Variants in ADAMTSL3 observed in about 807,000 individuals in gnomAD.
The protein encoded by ADAMTSL3 is ADAMTS like 3, also known as ADAMTS-like protein 3.
In ADAMTSL3, 128 loss-of-function variants were observed where a neutral mutation model predicts 201.7. The ratio of observed to expected loss-of-function variants is 0.63; its 90% CI spans 0.55 to 0.73. The LOEUF is 0.73. ADAMTSL3 is among the 30% of genes least tolerant of loss of function. ADAMTSL3 has a pLI of 0.00. For missense variants in ADAMTSL3, 1,990 were observed against 2,119.6 expected (o/e 0.94, Z 1.20); for synonymous variants, 738 against 748.4 (o/e 0.99, Z 0.23).
intron 3 of ADAMTSL3, among the ~76,000 whole-genome samples, chr15:83,746,594 A>G (rs751429047): frequency 2.6e-5 from 4 of 152,176 alleles, no homozygotes; most frequent in Non-Finnish European, 4.4e-5. Flanking sequence ...TTTGCAGTTA[A>G]CTGGGAACCT....
At chr15:83,782,942 T>C (rs982027567) in intron 4 of ADAMTSL3, among the ~76,000 whole-genome samples, 1 of 147,664 alleles carries the variant, frequency 6.8e-6, no homozygotes, top group Non-Finnish European at 1.5e-5. Flanking sequence ...TATGTATATA[T>C]ACACACATAT....
At chr15:83,768,696 A>G (rs1398371900) in intron 3 of ADAMTSL3, among the ~76,000 whole-genome samples, 5 of 152,202 alleles carry the variant, frequency 3.3e-5, no homozygotes, top group Admixed American at 6.5e-5. Flanking sequence ...GTTTCACTGC[A>G]AGGAAGACGA....
intron 3 of ADAMTSL3, among the ~76,000 whole-genome samples, chr15:83,706,516 T>G (rs1466261816): frequency 6.6e-6 from 1 of 152,220 alleles, no homozygotes; most frequent in Non-Finnish European, 1.5e-5. Flanking sequence ...CCCACTTTCC[T>G]CTACTAAAGG....
intron 2 of ADAMTSL3, among the ~76,000 whole-genome samples, chr15:83,656,650 A>G (rs1295014239): frequency 1.3e-5 from 2 of 152,322 alleles, no homozygotes; most frequent in East Asian, 1.9e-4. Context: ...GGCAGGGCAC[A>G]TCTTAGTATT....
At chr15:83,671,649 C>G (rs991968557) in intron 2 of ADAMTSL3, among the ~76,000 whole-genome samples, 1 of 152,090 alleles carries the variant, frequency 6.6e-6, no homozygotes, top group African/African-American at 2.4e-5. Flanking sequence ...AAATTATATT[C>G]TCTGCATTGA....
At chr15:83,905,980 A>C (rs2141938125) in intron 15 of ADAMTSL3, among the ~76,000 whole-genome samples, 1 of 152,088 alleles carries the variant, frequency 6.6e-6, no homozygotes, top group South Asian at 2.1e-4. Context: ...ATTTACTTTC[A>C]CATGTAATAT....
In ADAMTSL3 at chr15:83,823,955, CTTCTTCTTCTTCTT is replaced by C. The variant is rs1567169833; in HGVS notation, c.600+3909_600+3922del. 1.0e-3 allele frequency among the ~76,000 whole-genome samples: 90 copies of C among 89,494 alleles called. 3 individuals carry two copies. Among genetic ancestry groups the C allele is most frequent in the East Asian group, 4.1e-3 (10 of 2,430 alleles). 58.7% of individuals were successfully genotyped at this position (89,494 alleles called of 152,430 possible). A position where few individuals can be genotyped will look rare whatever the true frequency, so the allele number is the denominator to read the frequency against. ...TCTTCTTCTTCTTCTTCTTCTTCTT[CTTCTTCTTCTTCTT>C]CTTCTCCTCCTCCTCCTCCTCCTTC... On this transcript the variant is annotated intron_variant, in intron 6 of 29. Transcript: ENST00000286744.
intron 15 of ADAMTSL3, among the ~76,000 whole-genome samples, chr15:83,901,559 C>T (rs1383483): frequency 0.04 from 6,053 of 152,142 alleles, 167 homozygotes; most frequent in African/African-American, 0.073. Flanking sequence ...AAGAAGAAAA[C>T]GGAGCAATGG....
chr15:83,894,451 T>TTAAAA (rs1267145268), intron 13 of ADAMTSL3, among the ~76,000 whole-genome samples: 1 of 152,222 alleles, frequency 6.6e-6, no homozygotes, highest in Non-Finnish European at 1.5e-5. Context: ...TGTTGACATT[T>TTAAAA]TAAAATAAGA....
intron 26 of ADAMTSL3, among the ~76,000 whole-genome samples, chr15:84,024,702 G>C (rs565016675): frequency 2.0e-5 from 3 of 152,184 alleles, no homozygotes; most frequent in Non-Finnish European, 4.4e-5. Flanking sequence ...ATGAACTTTA[G>C]AGTCAGATAA....
At chr15:83,938,468 C>G (rs2040071785) in intron 17 of ADAMTSL3, among the ~76,000 whole-genome samples, 1 of 152,152 alleles carries the variant, frequency 6.6e-6, no homozygotes, top group African/African-American at 2.4e-5. Flanking sequence ...ATAGGAGGAG[C>G]ATTGCTACCC....
chr15:83,763,205 A>G (rs1271000919), intron 3 of ADAMTSL3, among the ~76,000 whole-genome samples: 2 of 152,166 alleles, frequency 1.3e-5, no homozygotes, highest in Admixed American at 1.3e-4. Flanking sequence ...TTTACTTTCA[A>G]GCTGACAGTC....
At chr15:83,686,479 T>G (rs1199831615) in intron 2 of ADAMTSL3, among the ~76,000 whole-genome samples, 1 of 152,240 alleles carries the variant, frequency 6.6e-6, no homozygotes, top group Admixed American at 6.5e-5. Flanking sequence ...TGTGCTGTTT[T>G]ATGGCTTCCT....
intron 2 of ADAMTSL3, among the ~76,000 whole-genome samples, chr15:83,684,587 A>C (rs186888016): frequency 6.6e-6 from 1 of 152,118 alleles, no homozygotes; most frequent in Admixed American, 6.6e-5. Flanking sequence ...GGGAAAAAAA[A>C]CAACCAAAAA....
At chr15:83,903,373 T>C (rs2065764800) in intron 15 of ADAMTSL3, among the ~76,000 whole-genome samples, 1 of 151,664 alleles carries the variant, frequency 6.6e-6, no homozygotes, top group South Asian at 2.1e-4. Context: ...CTCCCATCTC[T>C]CAAATTTTCT....
At chr15:83,920,165 GA>G (rs2066111076) in intron 16 of ADAMTSL3, among the ~76,000 whole-genome samples, 1 of 152,176 alleles carries the variant, frequency 6.6e-6, no homozygotes, top group African/African-American at 2.4e-5. Flanking sequence ...GGTAACGTGG[GA>G]ACAAAGATTG....
intron 3 of ADAMTSL3, among the ~76,000 whole-genome samples, chr15:83,746,054 A>G (rs1296508235): frequency 2.6e-5 from 4 of 152,130 alleles, no homozygotes; most frequent in African/African-American, 9.7e-5. Flanking sequence ...CTCAAAATCC[A>G]GGCTCCTTTC....
intron 15 of ADAMTSL3, among the ~76,000 whole-genome samples, chr15:83,904,937 CAAT>C (rs977472171): frequency 5.9e-5 from 9 of 152,290 alleles, no homozygotes; most frequent in South Asian, 2.1e-4. Flanking sequence ...CTAACAACAA[CAAT>C]GATAACAACA....
At chr15:83,986,178 A>G (rs79954062) in intron 21 of ADAMTSL3, among the ~76,000 whole-genome samples, 3,671 of 152,274 alleles carry the variant, frequency 0.024, 64 homozygotes, top group Non-Finnish European at 0.036. Flanking sequence ...TGGGGGGTTC[A>G]TGGACTATGC....
Sources: allele counts gnomAD v4.1 joint callset (sites outside exome capture counted in the v4.1 genomes callset), GRCh38; gene constraint gnomAD v4.1.1; transcripts MANE v1.5; gene names NCBI Gene and HGNC (gene_info 2026-07-23, HGNC 2026-07-21).